CNTN4: variants seen among roughly 807,000 people sequenced by gnomAD.
The protein encoded by CNTN4 is contactin 4, also known as contactin-4.
A neutral mutation model predicts 122.5 loss-of-function variants in CNTN4; 77 were observed. That is an observed-to-expected ratio of 0.63 (90% CI 0.52 to 0.76). The LOEUF is 0.76. Among genes scored for constraint, CNTN4 ranks in the 30% least tolerant of loss-of-function variants. The pLI, the probability that CNTN4 is intolerant of heterozygous loss-of-function variation, is 0.00. For synonymous variants in CNTN4, 512 were observed against 447.0 expected, an observed-to-expected ratio of 1.15 and a Z score of -1.83; for missense variants, 1,256 against 1,259.1, an observed-to-expected ratio of 1.00 and a Z score of 0.04.
intron 14 of CNTN4, among the ~76,000 whole-genome samples, chr3:3,019,830 A>G (rs1216653474): frequency 6.7e-6 from 1 of 148,916 alleles, no homozygotes; most frequent in African/African-American, 2.5e-5. Flanking sequence ...ATATATATTT[A>G]CACACATATA....
At chr3:2,794,164 G>T (rs1395020281) in intron 6 of CNTN4, among the ~76,000 whole-genome samples, 1 of 152,114 alleles carries the variant, frequency 6.6e-6, no homozygotes, top group Non-Finnish European at 1.5e-5. Context: ...ATGTTTTACA[G>T]ATTCTGAGCC....
intron 7 of CNTN4, among the ~76,000 whole-genome samples, chr3:2,861,621 CAA>C (rs2093672250): frequency 6.6e-6 from 1 of 152,132 alleles, no homozygotes; most frequent in Admixed American, 6.5e-5. Context: ...TGTTATAATG[CAA>C]AGACTACCAT....
At chr3:3,008,994 G>A (rs1265951707) in intron 14 of CNTN4, 3 of 985,194 alleles carry the variant, frequency 3.0e-6, no homozygotes, top group Non-Finnish European at 2.4e-6. Flanking sequence ...AATCACCAGC[G>A]TCTTTCTTGG....
At chr3:2,582,520 T>G (rs912133384) in intron 4 of CNTN4, among the ~76,000 whole-genome samples, 2 of 152,206 alleles carry the variant, frequency 1.3e-5, no homozygotes, top group Non-Finnish European at 2.9e-5. Flanking sequence ...ACCACCACCC[T>G]GCCCAGCAAC....
intron 13 of CNTN4, among the ~76,000 whole-genome samples, chr3:2,958,669 G>C (rs2094824288): frequency 6.6e-6 from 1 of 152,140 alleles, no homozygotes; most frequent in South Asian, 2.1e-4. Flanking sequence ...ATCACAGGCT[G>C]CAAGAATGCA....
At chr3:2,427,994 C>A (rs1559543815) in intron 3 of CNTN4, among the ~76,000 whole-genome samples, 1 of 151,080 alleles carries the variant, frequency 6.6e-6, no homozygotes, top group Admixed American at 6.6e-5. Context: ...GTCCTAAATA[C>A]AGCACACTGA....
At chr3:2,300,928 G>A (rs1281815967) in intron 2 of CNTN4, among the ~76,000 whole-genome samples, 2 of 152,084 alleles carry the variant, frequency 1.3e-5, no homozygotes, top group South Asian at 2.1e-4. Flanking sequence ...TAGCATGAAG[G>A]CGTGTCCATT....
chr3:2,781,753 G>C (rs12492071), intron 6 of CNTN4, among the ~76,000 whole-genome samples: 18,575 of 109,454 alleles, frequency 0.17, 2,733 homozygotes, highest in African/African-American at 0.42. Flanking sequence ...GAGACGGAGT[G>C]TCGCTCTGTC....
chr3:2,451,167 G>A (rs898650585), intron 3 of CNTN4, among the ~76,000 whole-genome samples: 39 of 152,218 alleles, frequency 2.6e-4, no homozygotes, highest in East Asian at 1.3e-3. Flanking sequence ...CCTAAGTAAG[G>A]AAGTAAGAGT....
At chr3:2,278,348 C>T (rs1195817427) in intron 2 of CNTN4, among the ~76,000 whole-genome samples, 14 of 152,298 alleles carry the variant, frequency 9.2e-5, no homozygotes, top group African/African-American at 2.6e-4. Context: ...TTCACACATC[C>T]CAGTGAACCT....
At chr3:2,983,619 G>T (rs76756813) in intron 13 of CNTN4, among the ~76,000 whole-genome samples, 3 of 152,162 alleles carry the variant, frequency 2.0e-5, no homozygotes, top group African/African-American at 7.2e-5. Flanking sequence ...AACTCTATGA[G>T]ATGTATATAG....
At chr3:2,556,994 TAAAC>T (rs1029954959) in intron 3 of CNTN4, among the ~76,000 whole-genome samples, 1 of 152,202 alleles carries the variant, frequency 6.6e-6, no homozygotes, top group African/African-American at 2.4e-5. Context: ...GCATGGATCT[TAAAC>T]AAATCATGAA....
intron 3 of CNTN4, among the ~76,000 whole-genome samples, chr3:2,362,095 C>G (rs1050523050): frequency 2.0e-4 from 31 of 152,144 alleles, no homozygotes; most frequent in African/African-American, 6.7e-4. Context: ...TTGGTGCATT[C>G]AAAAAACTGT....
At chr3:2,603,389 A>G (rs755064628) in intron 4 of CNTN4, among the ~76,000 whole-genome samples, 13 of 152,192 alleles carry the variant, frequency 8.5e-5, no homozygotes, top group Non-Finnish European at 1.8e-4. Flanking sequence ...TTGTAACATT[A>G]TGGAAGTCCT....
intron 2 of CNTN4, among the ~76,000 whole-genome samples, chr3:2,338,063 A>T (rs938394362): frequency 6.6e-6 from 1 of 152,214 alleles, no homozygotes; most frequent in Admixed American, 6.5e-5. Context: ...GTGAATATAT[A>T]ATTTTTCATA....
In CNTN4 at chr3:2,840,516, C is replaced by G. The variant is rs369293767; in HGVS notation, c.454+20935C>G. ...GAGATCGAGACCATCCTGGCTAACA[C>G]GGTGAAACCCCGTCTCTACTAAAAA... On this transcript the variant is annotated intron_variant, in intron 7 of 24. Coordinates refer to ENST00000418658, the MANE Select transcript of CNTN4 (RefSeq NM_175607.3). 2.9e-4 allele frequency among the ~76,000 whole-genome samples: 34 copies of G among 116,634 alleles called. No homozygotes were observed. In the East Asian group the frequency reaches 3.0e-3, roughly 10 times the overall value. 76.5% of individuals were successfully genotyped at this position (116,634 alleles called of 152,430 possible).
intron 14 of CNTN4, among the ~76,000 whole-genome samples, chr3:3,011,824 A>G (rs1697264562): frequency 6.6e-6 from 1 of 152,116 alleles, no homozygotes; most frequent in Non-Finnish European, 1.5e-5. Context: ...TGGAGAAGTT[A>G]TCTTCCTCTG....
chr3:2,574,408 C>T (rs2079567044), intron 4 of CNTN4, among the ~76,000 whole-genome samples: 1 of 151,952 alleles, frequency 6.6e-6, no homozygotes, highest in Non-Finnish European at 1.5e-5. Context: ...TTTTTCTTCC[C>T]CAAGTAAGAC....
At chr3:2,434,225 A>G (rs1200562660) in intron 3 of CNTN4, among the ~76,000 whole-genome samples, 2 of 152,216 alleles carry the variant, frequency 1.3e-5, no homozygotes, top group Non-Finnish European at 2.9e-5. Flanking sequence ...ATCATTTCAT[A>G]TTGTAAACAT....
Sources: gnomAD v4.1 joint callset for allele counts (sites outside exome capture counted in the v4.1 genomes callset) on GRCh38, gnomAD v4.1.1 for gene constraint, MANE v1.5 for transcripts, NCBI Gene and HGNC (gene_info 2026-07-23, HGNC 2026-07-21) for gene names.